The following STIL variants were observed in gnomAD, a reference collection of about 807,000 sequenced individuals.
STIL encodes the protein SCL-interrupting locus protein.
A neutral mutation model predicts 110.1 loss-of-function variants in STIL; 55 were observed. The observed-to-expected ratio is 0.50, with a 90% confidence interval of 0.40 to 0.63. The LOEUF (loss-of-function observed/expected upper bound fraction) is 0.63. Ranked by LOEUF, STIL falls within the 20% of genes least tolerant of loss-of-function variation. The pLI, the probability that STIL is intolerant of heterozygous loss-of-function variation, is 0.00. For missense variants in STIL, 1,358 were observed against 1,530.0 expected, an observed-to-expected ratio of 0.89 and a Z score of 1.87; for synonymous variants, 481 against 530.0, an observed-to-expected ratio of 0.91 and a Z score of 1.27.
chr1:47,306,893 A>G (rs1557776689), intron 2 of STIL, among the ~76,000 whole-genome samples: 2 of 152,172 alleles, frequency 1.3e-5, no homozygotes, highest in Non-Finnish European at 2.9e-5. Flanking sequence ...GGTGGCTCAC[A>G]CCTATGTCAG....
Position 47,304,912 on chromosome 1 carries a change from G to A in STIL, c.129C>T (p.Ile43=). The change falls in exon 3 of 17, where the codon ATC becomes ATT. Residue 43 remains isoleucine, a synonymous_variant. Coordinates refer to ENST00000371877, the MANE Select transcript of STIL (RefSeq NM_001048166.1). The part of the protein sequence containing the change: ...LWNPTPTGDF[I]YLHLSYYRNP... Reference sequence around the variant, plus strand: ...ACCTGTAGTAACTGAGATGTAAGTAGATGAAATCTCCAGTTGGCGTTGGGT... The same window carrying A: ...ACCTGTAGTAACTGAGATGTAAGTAAATGAAATCTCCAGTTGGCGTTGGGT... 1.2e-6 allele frequency: 2 copies of A among 1,613,086 alleles called. No homozygotes were observed. The highest frequency in any genetic ancestry group is 1.7e-6 in the Non-Finnish European group (2 of 1,179,086).
intron 14 of STIL, among the ~76,000 whole-genome samples, chr1:47,269,241 A>G (rs1644749056): frequency 6.6e-6 from 1 of 152,180 alleles, no homozygotes; most frequent in African/African-American, 2.4e-5. Context: ...GACATCTGGA[A>G]ATGGTTCTAG....
intron 13 of STIL, among the ~76,000 whole-genome samples, chr1:47,271,848 G>A (rs1401483978): frequency 6.6e-6 from 1 of 151,466 alleles, no homozygotes; most frequent in Admixed American, 6.6e-5. Flanking sequence ...CCAGAATTGG[G>A]TCCAGCCTAG....
chr1:47,254,180 C>CAG (rs1644264322), intron 16 of STIL, among the ~76,000 whole-genome samples: 1 of 61,408 alleles, frequency 1.6e-5, no homozygotes, highest in African/African-American at 5.8e-5. Flanking sequence ...GACTCTGTCT[C>CAG]AAAAAAAAAA....
chr1:47,307,206 AG>A (rs1488227053), intron 2 of STIL, among the ~76,000 whole-genome samples: 3 of 152,180 alleles, frequency 2.0e-5, no homozygotes, highest in African/African-American at 4.8e-5. Context: ...CTGTAATCCC[AG>A]TTACTCAGGA....
In STIL at chr1:47,260,328, G is replaced by A; in HGVS notation, c.3041C>T (p.Thr1014Ile). The change falls in exon 16 of 17, where the codon ACT becomes ATT. Residue 1014 changes from threonine (T) to isoleucine (I), a missense_variant. Transcript: ENST00000371877. ...GTTATGTGCATTTTTCTTCACTTTA[G>A]TGGGAGAATCAATTTTTACTCCAAG... is the stretch of plus-strand genomic sequence containing the variant. ...RSLGVKIDSP[T>I]KVKKNAHNVD... is the part of the protein sequence containing the mutation. 4 of 1,614,142 alleles carry A rather than the reference G, an allele frequency of 2.5e-6. No homozygotes were observed. The highest frequency in any genetic ancestry group is 3.4e-6 in the Non-Finnish European group (4 of 1,180,022).
chr1:47,295,694 T>C (rs1198663590), intron 7 of STIL, 71 bp downstream of exon 7: 1 of 1,042,472 alleles, frequency 9.6e-7, no homozygotes, highest in Non-Finnish European at 1.5e-6. Flanking sequence ...ATAGTACAAC[T>C]GAGTCACATG....
At chr1:47,275,379 C>A (rs1021959235) in intron 12 of STIL, among the ~76,000 whole-genome samples, 1 of 151,580 alleles carries the variant, frequency 6.6e-6, no homozygotes, top group Non-Finnish European at 1.5e-5. Flanking sequence ...GAGGCTGAGG[C>A]GGGCGGATCA....
At chr1:47,295,639 G>A in intron 7 of STIL, 126 bp downstream of exon 7, 1 of 697,960 alleles carries the variant, frequency 1.4e-6, no homozygotes, top group Non-Finnish European at 2.4e-6. Flanking sequence ...AAGAAAACCT[G>A]ACAACCACTT....
intron 1 of STIL, among the ~76,000 whole-genome samples, chr1:47,311,275 C>CTTT (rs60248293): frequency 6.9e-6 from 1 of 144,050 alleles, no homozygotes; most frequent in African/African-American, 2.8e-5. Context: ...ATTTTCTTTT[C>CTTT]TTTTTTTCTT....
intron 16 of STIL, among the ~76,000 whole-genome samples, chr1:47,254,591 C>T (rs1031474745): frequency 9.2e-5 from 14 of 151,792 alleles, no homozygotes; most frequent in African/African-American, 1.7e-4. Context: ...AGTGCAGTGG[C>T]GCAATCATGG....
intron 7 of STIL, 52 bp from the exon 8 acceptor site, chr1:47,293,596 T>C (rs761908922): frequency 3.2e-5 from 44 of 1,386,702 alleles, no homozygotes; most frequent in Non-Finnish European, 4.2e-5. Flanking sequence ...ATATATAGCA[T>C]AATTTACATT....
chr1:47,306,480 A>G (rs1161021989), intron 2 of STIL, among the ~76,000 whole-genome samples: 2 of 152,060 alleles, frequency 1.3e-5, no homozygotes, highest in African/African-American at 4.8e-5. Flanking sequence ...TCTTGAACTC[A>G]TGGTTTTAAG....
intron 12 of STIL, among the ~76,000 whole-genome samples, chr1:47,279,727 C>CAAAAAAAAA (rs11371469): frequency 2.8e-4 from 23 of 82,782 alleles, no homozygotes; most frequent in African/African-American, 8.7e-4. Flanking sequence ...GACTCCGTCT[C>CAAAAAAAAA]AAAAAAAAAA....
chr1:47,292,833 T>A (rs1031410240), intron 8 of STIL, among the ~76,000 whole-genome samples: 2 of 152,196 alleles, frequency 1.3e-5, no homozygotes, highest in African/African-American at 4.8e-5. Flanking sequence ...ACTATGTGCT[T>A]GTACTGCCTT....
chr1:47,313,328 A>C (rs1646191719), intron 1 of STIL, among the ~76,000 whole-genome samples: 1 of 102,926 alleles, frequency 9.7e-6, no homozygotes, highest in Non-Finnish European at 2.0e-5. Context: ...CGTCTCAAAA[A>C]TAAACATAAA....
chr1:47,300,975 C>T (rs12141060), intron 5 of STIL, among the ~76,000 whole-genome samples: 58,129 of 152,136 alleles, frequency 0.38, 13,936 homozygotes, highest in Non-Finnish European at 0.51. Flanking sequence ...ACTCTAACTT[C>T]GGTCAGCCTA....
chr1:47,265,706 G>A (rs1042213075), intron 14 of STIL, among the ~76,000 whole-genome samples: 3 of 151,138 alleles, frequency 2.0e-5, no homozygotes, highest in Non-Finnish European at 4.4e-5. Context: ...GCTTGTACCC[G>A]GGAGGCGGAG....
chr1:47,274,081 CTAAG>C (rs1644915645), intron 12 of STIL, among the ~76,000 whole-genome samples: 1 of 117,334 alleles, frequency 8.5e-6, no homozygotes, highest in Admixed American at 8.7e-5. Flanking sequence ...AGGTCCCATA[CTAAG>C]TAAGCACTTT....
Sources: gnomAD v4.1 joint callset for allele counts (sites outside exome capture counted in the v4.1 genomes callset) on GRCh38, gnomAD v4.1.1 for gene constraint, MANE v1.5 for transcripts, NCBI Gene and HGNC (gene_info 2026-07-23, HGNC 2026-07-21) for gene names.